MUC3A: variants seen among roughly 807,000 people sequenced by gnomAD.
MUC3A encodes the protein mucin 3A, cell surface associated, also known as mucin-3A.
A neutral mutation model predicts 109.0 loss-of-function variants in MUC3A; 109 were observed. The observed-to-expected ratio is 1.00, with a 90% CI of 0.86 to 1.17. The LOEUF is 1.17. Ranked by LOEUF, MUC3A falls within the 50% of genes most tolerant of loss-of-function variation. MUC3A has a pLI of 0.00. For missense variants in MUC3A, 3,537 were observed against 2,469.4 expected (o/e 1.43, Z -9.16); for synonymous variants, 1,398 against 981.4 (o/e 1.42, Z -7.93).
At chr7:100,961,215 C>G (rs979859894) in intron 3 of MUC3A, among the ~76,000 whole-genome samples, 8 of 152,310 alleles carry the variant, frequency 5.3e-5, no homozygotes, top group African/African-American at 1.9e-4. Context: ...CCAACAAACA[C>G]AAATCTGGCT....
At chr7:100,965,016 C>T (rs1792476317) in intron 6 of MUC3A, 173 bp downstream of exon 6, 1 of 1,173,834 alleles carries the variant, frequency 8.5e-7, no homozygotes. Context: ...GGGAGGGTCT[C>T]CCCGTGACCT....
In MUC3A at chr7:100,963,931, G is replaced by A. The variant is rs1256772972; in HGVS notation, c.9233+179G>A. The A allele has an allele frequency of 3.1e-4, 263 of 855,108 alleles. No individual in the cohort carries two copies. In the East Asian group the frequency reaches 6.8e-3, roughly 22 times the overall value. The allele number at this position is 855,108 out of a possible 1,614,324, so 53.0% of individuals were successfully genotyped here. A position where few individuals can be genotyped will look rare whatever the true frequency, so the allele number is the denominator to read the frequency against. On this transcript the variant is annotated intron_variant, in intron 5 of 11. Coordinates refer to ENST00000379458, the MANE Select transcript of MUC3A (RefSeq NM_005960.2). Reference sequence around the variant, plus strand: ...GTTTTCTGGGGCCATTTATCTGGAGGAGGGGTGGCACCTCTCTTCTTCAGC... The same window carrying A: ...GTTTTCTGGGGCCATTTATCTGGAGAAGGGGTGGCACCTCTCTTCTTCAGC...
intron 11 of MUC3A, 31 bp from the exon 12 acceptor site, chr7:100,967,090 G>A (rs1372217619): frequency 3.8e-6 from 6 of 1,598,544 alleles, no homozygotes; most frequent in South Asian, 3.3e-5. Context: ...CAGTGGCTCC[G>A]CGTTCCCGTC....
Position 100,960,210 on chromosome 7 carries a change from G to A in MUC3A, c.8431G>A (p.Glu2811Lys), listed in dbSNP as rs748683763. Residue 2811 changes from glutamate (E) to lysine (K), a missense_variant, in exon 2 of 12, where the codon GAA (glutamate) becomes AAA (lysine). By Grantham distance (56) the Glu-to-Lys change is moderately conservative. Transcript: ENST00000379458. ...ATTAACAGTCTTTCCCTTTACTACCGAAATGGTCACCTGTCCTACCTCCAT... is the reference window on the plus strand; with the variant it reads ...ATTAACAGTCTTTCCCTTTACTACCAAAATGGTCACCTGTCCTACCTCCAT... ...TPLTVFPFTT[E>K]MVTCPTSISI... 1.4e-5 allele frequency: 23 copies of A among 1,595,590 alleles called. No individual in the cohort carries two copies. The highest frequency in any genetic ancestry group is 3.3e-5 in the South Asian group (3 of 90,866).
chr7:100,967,669 G>A lies in MUC3A; in HGVS notation c.*507G>A. On this transcript the variant is annotated 3_prime_UTR_variant, in exon 12 of 12. Coordinates refer to ENST00000379458, the MANE Select transcript of MUC3A (RefSeq NM_005960.2). ...AGCCTGCAGCCCCATCCCATCTCCT[G>A]CCCTCTCCTGATCTAACTCCCTGCT... The A allele has an allele frequency of 4.4e-6, 1 of 226,922 alleles. No homozygotes were observed. Among genetic ancestry groups the A allele is most frequent in the Non-Finnish European group, 8.7e-6 (1 of 114,458 alleles). 14.1% of individuals were successfully genotyped at this position (226,922 alleles called of 1,614,324 possible).
At position 100,965,642 on chromosome 7, in the gene MUC3A, C is replaced by T. The variant is rs1792506403; in HGVS notation, c.9449-62C>T. 3 of 1,548,688 alleles carry T rather than the reference C, an allele frequency of 1.9e-6. No individual in the cohort carries two copies. In the East Asian group the frequency reaches 6.8e-5, roughly 35 times the overall value. On this transcript the variant is annotated intron_variant, in intron 7 of 11. Coordinates refer to ENST00000379458, the MANE Select transcript of MUC3A (RefSeq NM_005960.2). ...CGCGCATATTCAGAGGCACCGTTAT[C>T]AGGCCCCTGAATAGAATGGATGAGG...
chr7:100,951,166 A>G (rs1291772560), intron 1 of MUC3A, among the ~76,000 whole-genome samples: 2 of 124,952 alleles, frequency 1.6e-5, no homozygotes, highest in African/African-American at 3.0e-5. Context: ...TAATTTTTGT[A>G]TTTTGTTTTA....
Position 100,958,679 on chromosome 7 carries a change from C to A in MUC3A, c.6900C>A (p.Thr2300=), listed in dbSNP as rs368043565. 2.9e-5 allele frequency: 38 copies of A among 1,298,334 alleles called. No individual in the cohort carries two copies. Among genetic ancestry groups the A allele is most frequent in the Admixed American group, 1.1e-4 (4 of 36,260 alleles). The allele number at this position is 1,298,334 out of a possible 1,614,324, so 80.4% of individuals were successfully genotyped here. The change falls in exon 2 of 12, where the codon ACC becomes ACA. Residue 2300 remains threonine (T), a synonymous_variant. Transcript: ENST00000379458. ...CTTTAATCACCACCACCAAGACCAC[C>A]TCACACAGTACTCCCAGCTTCACTT... is the stretch of plus-strand genomic sequence containing the variant. The part of the protein sequence containing the change: ...STSLITTTKT[T]SHSTPSFTSS...
Position 100,952,464 on chromosome 7 carries a change from A to G in MUC3A, c.685A>G (p.Thr229Ala). 1 of 1,598,586 alleles carries G rather than the reference A, an allele frequency of 6.3e-7. No homozygotes were observed. Among genetic ancestry groups the G allele is most frequent in the Non-Finnish European group, 8.5e-7 (1 of 1,179,812 alleles). Residue 229 changes from threonine to alanine, a missense_variant, in exon 2 of 12, where the codon ACT (threonine) becomes GCT (alanine). Physicochemically the swap from Thr to Ala is moderately conservative, Grantham distance 58. Transcript: ENST00000379458. Reference protein sequence around the residue: ...ISSTTRTTERTPLPTGSIHTT... With the variant: ...ISSTTRTTERAPLPTGSIHTT... Reference sequence around the variant, plus strand: ...GTCTACAACTAGAACCACAGAAAGGACTCCCCTGCCCACTGGAAGCATCCA... The same window carrying G: ...GTCTACAACTAGAACCACAGAAAGGGCTCCCCTGCCCACTGGAAGCATCCA...
intron 5 of MUC3A, 38 bp from the exon 6 acceptor site, chr7:100,964,657 C>G: frequency 6.3e-7 from 1 of 1,576,138 alleles, no homozygotes; most frequent in Non-Finnish European, 8.6e-7. Flanking sequence ...CCCATATGTT[C>G]CTGGCTGGGG....
chr7:100,966,046 T>TACGTCGC, intron 8 of MUC3A, 180 bp downstream of exon 8: 1 of 232,436 alleles, frequency 4.3e-6, no homozygotes, highest in Non-Finnish European at 6.5e-6. Context: ...GGAGCTCTGC[T>TACGTCGC]CCTTTGATGG....
intron 1 of MUC3A, among the ~76,000 whole-genome samples, chr7:100,951,255 A>G (rs540695133): frequency 1.3e-5 from 2 of 152,384 alleles, no homozygotes; most frequent in South Asian, 4.1e-4. Context: ...TTGGCCTTTC[A>G]AAGTGCTGGG....
In MUC3A at chr7:100,965,694, C is replaced by T. The variant is rs774536824; in HGVS notation, c.9449-10C>T. ...CCTTGTCTCTGTGCATCCCCCTCCC[C>T]AACCCCCAGCCATCTGCCGCCGCGC... On this transcript the variant is annotated splice_polypyrimidine_tract_variant and intron_variant, in intron 7 of 11. Transcript: ENST00000379458. 10 of 1,595,066 alleles carry T rather than the reference C, an allele frequency of 6.3e-6. No individual in the cohort carries two copies. Among genetic ancestry groups the T allele is most frequent in the Non-Finnish European group, 7.6e-6 (9 of 1,177,768 alleles).
At position 100,966,489 on chromosome 7, in the gene MUC3A, G is replaced by T. The variant is rs587734325; in HGVS notation, c.9715G>T (p.Val3239Leu). 3 of 1,320,878 alleles carry T rather than the reference G, an allele frequency of 2.3e-6. No individual in the cohort carries two copies. Among genetic ancestry groups the T allele is most frequent in the Non-Finnish European group, 2.9e-6 (3 of 1,045,338 alleles). 81.8% of individuals were successfully genotyped at this position (1,320,878 alleles called of 1,614,324 possible). ...CCTGACGGCCGGCGCCGCGCTGCTG[G>T]TGCTGCTGCTGCTGGCGCTGGGCGT... is the stretch of plus-strand genomic sequence containing the variant. ...GGLTAGAALLVLLLLALGVRA... is the reference protein window; with the variant it reads ...GGLTAGAALLLLLLLALGVRA... Residue 3239 changes from valine to leucine, a missense_variant, in exon 9 of 12, where the codon GTG (valine) becomes TTG (leucine). By Grantham distance (32) the Val-to-Leu change is conservative. Coordinates refer to ENST00000379458, the MANE Select transcript of MUC3A (RefSeq NM_005960.2).
chr7:100,960,206 T>A lies in MUC3A; in HGVS notation c.8427T>A (p.Thr2809=). ...PTTPLTVFPF[T]TEMVTCPTSI... ...CCCCATTAACAGTCTTTCCCTTTAC[T>A]ACCGAAATGGTCACCTGTCCTACCT... The change falls in exon 2 of 12, where the codon ACT becomes ACA. Residue 2809 remains threonine, a synonymous_variant. Transcript: ENST00000379458. 6.3e-7 allele frequency: 1 copy of A among 1,595,262 alleles called. No homozygotes were observed. The highest frequency in any genetic ancestry group is 8.5e-7 in the Non-Finnish European group (1 of 1,177,426).
Position 100,953,102 on chromosome 7 carries a change from A to G in MUC3A, c.1323A>G (p.Thr441=). ...CCATGACCCCATCTTCTCTGAGTAC[A>G]GACATCCCTTTCACAACACCAACAA... ...STTMTPSSLS[T]DIPFTTPTTI... is the part of the protein sequence containing the mutation. The change falls in exon 2 of 12, where the codon ACA becomes ACG. Residue 441 remains threonine (T), a synonymous_variant. Transcript: ENST00000379458. 2 of 1,034,374 alleles carry G rather than the reference A, an allele frequency of 1.9e-6. No individual in the cohort carries two copies. The highest frequency in any genetic ancestry group is 3.0e-6 in the Non-Finnish European group (2 of 677,790). 64.1% of individuals were successfully genotyped at this position (1,034,374 alleles called of 1,614,324 possible).
At position 100,965,886 on chromosome 7, in the gene MUC3A, C is replaced by A. The variant is rs750923396; in HGVS notation, c.9611+20C>A. On this transcript the variant is annotated intron_variant, in intron 8 of 11. Coordinates refer to ENST00000379458, the MANE Select transcript of MUC3A (RefSeq NM_005960.2). Reference sequence around the variant, plus strand: ...GTGTCGGTAAGGCCCCGCTCACCATCGGCATCAGCCGAGCCCCTCCCACTC... The same window carrying A: ...GTGTCGGTAAGGCCCCGCTCACCATAGGCATCAGCCGAGCCCCTCCCACTC... The A allele has an allele frequency of 6.3e-7, 1 of 1,579,250 alleles. No individual in the cohort carries two copies. Among genetic ancestry groups the A allele is most frequent in the Admixed American group, 1.7e-5 (1 of 58,882 alleles).
chr7:100,960,893 T>C lies in MUC3A; in HGVS notation c.9008T>C (p.Phe3003Ser). 1 of 1,598,544 alleles carries C rather than the reference T, an allele frequency of 6.3e-7. No individual in the cohort carries two copies. The highest frequency in any genetic ancestry group is 1.1e-5 in the South Asian group (1 of 91,092). ...DGLKCQCPST[F>S]YGSSCEFAVE... Reference sequence around the variant, plus strand: ...CTCAAATGCCAGTGCCCCAGCACCTTCTATGGTTCCAGTTGTGAGTTTGCT... The same window carrying C: ...CTCAAATGCCAGTGCCCCAGCACCTCCTATGGTTCCAGTTGTGAGTTTGCT... Residue 3003 changes from phenylalanine (F) to serine (S), a missense_variant, in exon 3 of 12, where the codon TTC (phenylalanine) becomes TCC (serine). Coordinates refer to ENST00000379458, the MANE Select transcript of MUC3A (RefSeq NM_005960.2).
In MUC3A at chr7:100,960,117, G is replaced by T; in HGVS notation, c.8338G>T (p.Ala2780Ser). 1 of 1,539,352 alleles carries T rather than the reference G, an allele frequency of 6.5e-7. No individual in the cohort carries two copies. The highest frequency in any genetic ancestry group is 1.4e-5 in the African/African-American group (1 of 73,526). ...PGTITITIVP[A>S]SPTDPCVEMD... ...AACTATAACAATTACCATAGTCCCT[G>T]CCTCCCCCACTGATCCATGTGTTGA... The change falls in exon 2 of 12, where the codon GCC becomes TCC. Residue 2780 changes from alanine to serine, a missense_variant. Transcript: ENST00000379458.
Sources: allele counts gnomAD v4.1 joint callset (sites outside exome capture counted in the v4.1 genomes callset), GRCh38; gene constraint gnomAD v4.1.1; transcripts MANE v1.5; gene names NCBI Gene and HGNC (gene_info 2026-07-23, HGNC 2026-07-21).